Variants in IQCN observed in about 807,000 individuals in gnomAD.
IQCN encodes the protein IQ domain-containing protein N.
IQCN carries 46 observed loss-of-function variants against 64.4 expected under a neutral mutation model. The observed-to-expected ratio is 0.71, with a 90% CI of 0.56 to 0.91. The LOEUF is 0.91. IQCN is among the 40% of genes least tolerant of loss of function. The pLI is 0.00. For missense variants in IQCN, 1,753 were observed against 1,857.4 expected, an observed-to-expected ratio of 0.94 and a Z score of 1.03; for synonymous variants, 733 against 775.6, an observed-to-expected ratio of 0.95 and a Z score of 0.91.
chr19:18,266,545 C>G lies in IQCN; in HGVS notation c.995G>C (p.Gly332Ala), dbSNP rs1240959199. The stretch of plus-strand genomic sequence containing the variant: ...GAGTAGAGTCTTGGTGATCATGGGC[C>G]CTGGACATATCTGGAAGGGGGCTTT... ...TPKAPFQICP[G>A]PMITKTLLQT... The change falls in exon 3 of 4, where the codon GGG (glycine) becomes GCG (alanine). Residue 332 changes from glycine (G) to alanine (A), a missense_variant. Coordinates refer to ENST00000392413, the MANE Select transcript of IQCN (RefSeq NM_001145304.2). This position sits in a 1 kb window ranked among gnomAD's most constrained non-coding sequence, Gnocchi z 4.3. 1 of 1,612,922 alleles carries G rather than the reference C, an allele frequency of 6.2e-7. No homozygotes were observed. Among genetic ancestry groups the G allele is most frequent in the African/African-American group, 1.3e-5 (1 of 74,924 alleles).
In IQCN at chr19:18,264,944, C is replaced by A. The variant is rs759849232; in HGVS notation, c.2596G>T (p.Val866Leu). ...CCTACCGTGTCCTCCTGGCAGGGCA[C>A]CGCCTGGCCGGGCATTGATGGCTGG... The part of the protein sequence containing the change: ...RAQPSMPGQA[V>L]PCQEDTVGSL... Residue 866 changes from valine (V) to leucine (L), a missense_variant, in exon 3 of 4, where the codon GTG becomes TTG. Physicochemically the swap from Val to Leu is conservative, Grantham distance 32. Coordinates refer to ENST00000392413, the MANE Select transcript of IQCN (RefSeq NM_001145304.2). The surrounding 1 kb of genome is among the most constrained non-coding windows in gnomAD (Gnocchi z 4.3). The A allele has an allele frequency of 1.2e-6, 2 of 1,611,830 alleles. No homozygotes were observed. Among genetic ancestry groups the A allele is most frequent in the South Asian group, 2.2e-5 (2 of 91,082 alleles).
At position 18,257,131 on chromosome 19, in the gene IQCN, A is replaced by C; in HGVS notation, c.*49T>G. 1 of 1,572,850 alleles carries C rather than the reference A, an allele frequency of 6.4e-7. No homozygotes were observed. The highest frequency in any genetic ancestry group is 8.7e-7 in the Non-Finnish European group (1 of 1,152,924). ...GGAGGACTTTATTCATTAGACCCAG[A>C]GAGCCATGAGTGCCTCCCACGAAGT... On this transcript the variant is annotated 3_prime_UTR_variant, in exon 4 of 4. Coordinates refer to ENST00000392413, the MANE Select transcript of IQCN (RefSeq NM_001145304.2).
rs775816174 is a variant in IQCN, at chr19:18,257,357, G to A, written c.3927C>T (p.Ser1309=). 1.4e-5 allele frequency: 22 copies of A among 1,612,258 alleles called. No homozygotes were observed. Among genetic ancestry groups the A allele is most frequent in the East Asian group, 1.3e-4 (6 of 44,874 alleles). Residue 1309 remains serine (S), a synonymous_variant, in exon 4 of 4, where the codon TCC becomes TCT. Coordinates refer to ENST00000392413, the MANE Select transcript of IQCN (RefSeq NM_001145304.2). ...RQDKAATAIQ[S]AWRGFKIRQQ... ...GGCGGATCTTAAAGCCCCTCCAGGCGGACTGGATGGCTGTGGCCGCTTTGT... is the reference window on the plus strand; with the variant it reads ...GGCGGATCTTAAAGCCCCTCCAGGCAGACTGGATGGCTGTGGCCGCTTTGT...
At chr19:18,270,051 T>TTAAA (rs1969701177) in intron 1 of IQCN, among the ~76,000 whole-genome samples, 1 of 75,860 alleles carries the variant, frequency 1.3e-5, no homozygotes, top group African/African-American at 6.3e-5. Flanking sequence ...AACTGTCTCT[T>TTAAA]AAAAAAAAAA....
rs761253024 is a variant in IQCN, at chr19:18,266,163, C to T, written c.1377G>A (p.Pro459=). 2.5e-6 allele frequency: 4 copies of T among 1,614,056 alleles called. No homozygotes were observed. Among genetic ancestry groups the T allele is most frequent in the East Asian group, 2.2e-5 (1 of 44,876 alleles). ...ATGGGTTTTTGGCTGGGGTGGTGAC[C>T]GGGTGCATCTGGGGTGGGGTCTTTG... ...AMAKTPPQMH[P]VTTPAKNPLQ... The change falls in exon 3 of 4, where the codon CCG becomes CCA. Residue 459 remains proline, a synonymous_variant. Coordinates refer to ENST00000392413, the MANE Select transcript of IQCN (RefSeq NM_001145304.2). The surrounding 1 kb of genome is among the most constrained non-coding windows in gnomAD (Gnocchi z 4.3).
At chr19:18,273,837 G>A (rs1035732508) in intron 1 of IQCN, among the ~76,000 whole-genome samples, 9 of 152,168 alleles carry the variant, frequency 5.9e-5, no homozygotes, top group African/African-American at 2.2e-4. Flanking sequence ...GGGATTGTGG[G>A]GGATGAGAAG....
Position 18,257,876 on chromosome 19 carries a change from C to T in IQCN, c.3408G>A (p.Trp1136Ter), listed in dbSNP as rs1365450136. 1.9e-6 allele frequency: 3 copies of T among 1,612,364 alleles called. No individual in the cohort carries two copies. In the East Asian group the frequency reaches 6.7e-5, roughly 36 times the overall value. Reference protein sequence around the residue: ...GYLARRRIRLWHRGAMVIQAT... With the variant: ...GYLARRRIRL ...CTTGGATGACCATGGCCCCCCGGTG[C>T]CACAGCCGGATCCTGCGACGCGCCA... The change falls in exon 4 of 4, where the codon TGG becomes TGA. Residue 1136 changes from tryptophan (W) to a stop codon, truncating the protein, a stop_gained. Transcript: ENST00000392413. LOFTEE classifies it low-confidence loss of function (END_TRUNC).
intron 3 of IQCN, among the ~76,000 whole-genome samples, chr19:18,263,674 A>C (rs1022689330): frequency 4.6e-5 from 7 of 152,090 alleles, no homozygotes; most frequent in Non-Finnish European, 1.0e-4. Flanking sequence ...CTCTCCCTGG[A>C]AGCCCTGGAT....
chr19:18,270,146 G>C (rs889142196), intron 1 of IQCN, among the ~76,000 whole-genome samples: 1 of 151,502 alleles, frequency 6.6e-6, no homozygotes, highest in African/African-American at 2.4e-5. Flanking sequence ...GATCACCTGA[G>C]GTCAGGAGTT....
At chr19:18,262,849 G>T (rs1266770118) in intron 3 of IQCN, among the ~76,000 whole-genome samples, 1 of 152,160 alleles carries the variant, frequency 6.6e-6, no homozygotes, top group Non-Finnish European at 1.5e-5. Flanking sequence ...ACAGATGGTG[G>T]CTTATATGCA....
At position 18,266,259 on chromosome 19, in the gene IQCN, GT is replaced by G. The variant is rs1315457148; in HGVS notation, c.1280del (p.Asn427ThrfsTer12). The G allele has an allele frequency of 6.2e-7, 1 of 1,613,662 alleles. No homozygotes were observed. Among genetic ancestry groups the G allele is most frequent in the Non-Finnish European group, 8.5e-7 (1 of 1,179,836 alleles). ...AAGCCAGAAGGGAAACCTGAGGTCGGTTCTTTGCCGTGATGGTCGCAGGGCA... is the reference window on the plus strand; with the variant it reads ...AAGCCAGAAGGGAAACCTGAGGTCGGTCTTTGCCGTGATGGTCGCAGGGCA... ...QTCPATITAK[N>X]RPQVSLLASI... On this transcript the variant is annotated frameshift_variant, in exon 3 of 4. Coordinates refer to ENST00000392413, the MANE Select transcript of IQCN (RefSeq NM_001145304.2). LOFTEE classifies it high-confidence loss of function. The surrounding 1 kb of genome is among the most constrained non-coding windows in gnomAD (Gnocchi z 4.3).
At chr19:18,271,922 G>A (rs1355894237) in intron 1 of IQCN, among the ~76,000 whole-genome samples, 1 of 151,746 alleles carries the variant, frequency 6.6e-6, no homozygotes, top group Non-Finnish European at 1.5e-5. Context: ...CGATTCTCCT[G>A]CCTCAGCCTC....
chr19:18,272,846 G>A lies in IQCN; in HGVS notation c.-110+1557C>T, dbSNP rs145047623. 7.8e-3 allele frequency among the ~76,000 whole-genome samples: 1,185 copies of A among 151,604 alleles called. 4 individuals carry two copies. Among genetic ancestry groups the A allele is most frequent in the South Asian group, 0.02 (95 of 4,788 alleles). On this transcript the variant is annotated intron_variant, in intron 1 of 3. Coordinates refer to ENST00000392413, the MANE Select transcript of IQCN (RefSeq NM_001145304.2). Reference sequence around the variant, plus strand: ...AGGATGGTCTCCATCTCCTGACCTCGTGATTCGCCCACCTCGGCCTCCCAA... The same window carrying A: ...AGGATGGTCTCCATCTCCTGACCTCATGATTCGCCCACCTCGGCCTCCCAA...
Position 18,265,456 on chromosome 19 carries a change from T to G in IQCN, c.2084A>C (p.His695Pro), listed in dbSNP as rs778950093. 17 of 1,613,750 alleles carry G rather than the reference T, an allele frequency of 1.1e-5. No homozygotes were observed. The highest frequency in any genetic ancestry group is 1.4e-5 in the Non-Finnish European group (17 of 1,179,818). ...APLTKASSQG[H>P]LPTELTKTPS... ...GGTCTTGGTCAGCTCAGTGGGCAGATGTCCCTGAGATGAGGCCTTGGTCAG... is the reference window on the plus strand; with the variant it reads ...GGTCTTGGTCAGCTCAGTGGGCAGAGGTCCCTGAGATGAGGCCTTGGTCAG... The change falls in exon 3 of 4, where the codon CAT becomes CCT. Residue 695 changes from histidine (H) to proline (P), a missense_variant. His to Pro is a moderately conservative substitution (Grantham distance 77). Transcript: ENST00000392413. The surrounding 1 kb of genome is among the most constrained non-coding windows in gnomAD (Gnocchi z 4.7).
intron 1 of IQCN, among the ~76,000 whole-genome samples, chr19:18,270,158 G>A (rs1007797054): frequency 4.0e-5 from 6 of 150,872 alleles, no homozygotes; most frequent in African/African-American, 1.5e-4. Context: ...TCAGGAGTTC[G>A]AGACCAGCCT....
intron 3 of IQCN, chr19:18,261,976 T>C: frequency 6.5e-6 from 1 of 153,164 alleles, no homozygotes. Flanking sequence ...GACACCTCAG[T>C]GAGCTGAGAT....
In IQCN at chr19:18,257,205, C is replaced by A; in HGVS notation, c.4079G>T (p.Arg1360Leu). The A allele has an allele frequency of 6.2e-7, 1 of 1,613,450 alleles. No homozygotes were observed. Among genetic ancestry groups the A allele is most frequent in the Non-Finnish European group, 8.5e-7 (1 of 1,180,034 alleles). ...LGPADPSASS[R>L]HMHWPGI ...CTAGATGCCAGGCCAATGCATGTGCCGTGAGCTGGCCGAGGGGTCTGCTGG... is the reference window on the plus strand; with the variant it reads ...CTAGATGCCAGGCCAATGCATGTGCAGTGAGCTGGCCGAGGGGTCTGCTGG... The change falls in exon 4 of 4, where the codon CGG (arginine) becomes CTG (leucine). Residue 1360 changes from arginine to leucine, a missense_variant. Transcript: ENST00000392413.
chr19:18,264,421 C>T lies in IQCN; in HGVS notation c.3119G>A (p.Arg1040Lys). 1 of 1,546,206 alleles carries T rather than the reference C, an allele frequency of 6.5e-7. No homozygotes were observed. Among genetic ancestry groups the T allele is most frequent in the Non-Finnish European group, 8.7e-7 (1 of 1,144,316 alleles). Reference sequence around the variant, plus strand: ...GGGCCCCCATGCGGCCGATGGACTCCTCCTGCAGGCCACCTTCACCAGGGC... The same window carrying T: ...GGGCCCCCATGCGGCCGATGGACTCTTCCTGCAGGCCACCTTCACCAGGGC... ...TPALVKVACRRSPSAAWGPSL... is the reference protein window; with the variant it reads ...TPALVKVACRKSPSAAWGPSL... The change falls in exon 3 of 4, where the codon AGG (arginine) becomes AAG (lysine). Residue 1040 changes from arginine to lysine, a missense_variant. Transcript: ENST00000392413. The surrounding 1 kb of genome is among the most constrained non-coding windows in gnomAD (Gnocchi z 4.3).
Position 18,267,789 on chromosome 19 carries a change from TTTC to T in IQCN, c.14-266_14-264del, listed in dbSNP as rs1230294911. ...CCACTTACCTGCTTTTCTTTTTTCT[TTTC>T]TTTTTTTTTTTTTTTTTGAGACAGA... On this transcript the variant is annotated intron_variant, in intron 2 of 3. Transcript: ENST00000392413. The T allele has an allele frequency of 1.3e-5, 4 of 319,118 alleles. No individual in the cohort carries two copies. The East Asian group carries it at 1.4e-4, about 11-fold the overall frequency. 19.8% of individuals were successfully genotyped at this position (319,118 alleles called of 1,614,324 possible).
Sources: gnomAD v4.1 joint callset for allele counts (sites outside exome capture counted in the v4.1 genomes callset) on GRCh38, gnomAD v4.1.1 for gene constraint, Gnocchi (gnomAD v3.1) non-coding constraint, MANE v1.5 for transcripts, NCBI Gene and HGNC (gene_info 2026-07-23, HGNC 2026-07-21) for gene names.